The following GPC5 variants were observed in gnomAD, a reference collection of about 807,000 sequenced individuals.
GPC5 encodes the protein glypican-5.
In GPC5, 47 loss-of-function variants were observed where a neutral mutation model predicts 53.9. The observed-to-expected ratio is 0.87, with a 90% CI of 0.69 to 1.11. The LOEUF is 1.11. Among genes scored for constraint, GPC5 ranks in the 50% most tolerant of loss-of-function variants. The probability of loss-of-function intolerance (pLI) is 0.00; values close to 1 mark genes in which losing one functional copy is unlikely to be tolerated. For synonymous variants in GPC5, 286 were observed against 263.3 expected (o/e 1.09, Z -0.84); for missense variants, 748 against 713.1 (o/e 1.05, Z -0.56).
intron 2 of GPC5, among the ~76,000 whole-genome samples, chr13:91,689,904 G>A (rs544524105): frequency 6.6e-6 from 1 of 152,046 alleles, no homozygotes; most frequent in Non-Finnish European, 1.5e-5. Context: ...ACATAGTATG[G>A]TAAACACCCA....
chr13:92,051,655 C>G (rs2138839239), intron 6 of GPC5, among the ~76,000 whole-genome samples: 1 of 152,262 alleles, frequency 6.6e-6, no homozygotes, highest in East Asian at 1.9e-4. Flanking sequence ...GTGGCTTCAG[C>G]TGTTTAGGCT....
chr13:92,040,937 A>G (rs570432769), intron 6 of GPC5, among the ~76,000 whole-genome samples: 1 of 151,864 alleles, frequency 6.6e-6, no homozygotes, highest in Non-Finnish European at 1.5e-5. Context: ...TGCAACCTCC[A>G]CCTCCTGGGT....
chr13:91,478,795 T>TTATATATATATATA (rs757436599), intron 2 of GPC5, among the ~76,000 whole-genome samples: 1,745 of 54,874 alleles, frequency 0.032, 29 homozygotes, highest in South Asian at 0.052. Flanking sequence ...CCATTTGAGT[T>TTATATATATATATA]TATATATATA....
At chr13:92,745,433 T>C (rs187385244) in intron 7 of GPC5, among the ~76,000 whole-genome samples, 2 of 152,206 alleles carry the variant, frequency 1.3e-5, no homozygotes, top group African/African-American at 4.8e-5. Flanking sequence ...AGAAGGTCCC[T>C]TGGTAAAGCT....
chr13:92,730,728 G>A (rs535008055), intron 7 of GPC5, among the ~76,000 whole-genome samples: 21 of 151,420 alleles, frequency 1.4e-4, no homozygotes, highest in Non-Finnish European at 2.2e-4. Flanking sequence ...GCCATGTAGA[G>A]CAGAGAAAAG....
At chr13:91,518,407 A>G (rs1034600611) in intron 2 of GPC5, among the ~76,000 whole-genome samples, 1 of 152,182 alleles carries the variant, frequency 6.6e-6, no homozygotes, top group African/African-American at 2.4e-5. Flanking sequence ...AAGAAAATCT[A>G]AAATTACATG....
intron 7 of GPC5, among the ~76,000 whole-genome samples, chr13:92,775,354 C>T (rs1208984696): frequency 6.6e-6 from 1 of 152,124 alleles, no homozygotes; most frequent in Non-Finnish European, 1.5e-5. Context: ...TACTTTTTGG[C>T]ATCTAAAAAT....
chr13:91,513,168 T>C (rs1885322449), intron 2 of GPC5, among the ~76,000 whole-genome samples: 1 of 152,172 alleles, frequency 6.6e-6, no homozygotes, highest in South Asian at 2.1e-4. Context: ...TTAAACTCTT[T>C]ATATTGTGAT....
chr13:92,054,709 A>T (rs2041060625), intron 6 of GPC5, among the ~76,000 whole-genome samples: 1 of 152,144 alleles, frequency 6.6e-6, no homozygotes, highest in African/African-American at 2.4e-5. Context: ...GTGAAATATA[A>T]TTTTTGTGAG....
At chr13:91,734,160 C>T (rs1179533602) in intron 4 of GPC5, among the ~76,000 whole-genome samples, 1 of 151,252 alleles carries the variant, frequency 6.6e-6, no homozygotes, top group Non-Finnish European at 1.5e-5. Flanking sequence ...ACCAGCCTTG[C>T]ATCCCAGGGA....
chr13:91,526,405 T>C (rs1886088829), intron 2 of GPC5, among the ~76,000 whole-genome samples: 1 of 152,180 alleles, frequency 6.6e-6, no homozygotes, highest in Non-Finnish European at 1.5e-5. Context: ...GTATGAGTAC[T>C]GGTCTGTTGA....
intron 7 of GPC5, among the ~76,000 whole-genome samples, chr13:92,560,001 C>A (rs1278877293): frequency 1.3e-5 from 2 of 151,420 alleles, no homozygotes; most frequent in Non-Finnish European, 2.9e-5. Context: ...TTTTTCTACT[C>A]CCTTTTTCCA....
At chr13:92,503,596 A>G (rs1880264831) in intron 7 of GPC5, among the ~76,000 whole-genome samples, 1 of 151,832 alleles carries the variant, frequency 6.6e-6, no homozygotes, top group Non-Finnish European at 1.5e-5. Flanking sequence ...CAAAGAAAAT[A>G]TATTAAAACA....
chr13:91,595,575 T>C (rs1342112564), intron 2 of GPC5, among the ~76,000 whole-genome samples: 1 of 152,218 alleles, frequency 6.6e-6, no homozygotes, highest in Non-Finnish European at 1.5e-5. Context: ...TTCCAAGTTG[T>C]CTTTTTTTAG....
chr13:92,784,477 C>CT lies in GPC5; in HGVS notation c.1562-81794dup, dbSNP rs945899051. 3.5e-3 allele frequency among the ~76,000 whole-genome samples: 509 copies of CT among 145,092 alleles called. 1 individual carries two copies. Among genetic ancestry groups the CT allele is most frequent in the Admixed American group, 4.4e-3 (63 of 14,446 alleles). On this transcript the variant is annotated intron_variant, in intron 7 of 7. Transcript: ENST00000377067. ...AAGATGTACTTTACTCACAGTCTCCCTTTTTTTTTTTACAGATGTAATGTA... is the reference window on the plus strand; with the variant it reads ...AAGATGTACTTTACTCACAGTCTCCCTTTTTTTTTTTTACAGATGTAATGTA...
intron 7 of GPC5, among the ~76,000 whole-genome samples, chr13:92,283,385 AG>A (rs2042930825): frequency 2.0e-5 from 3 of 152,208 alleles, no homozygotes; most frequent in Non-Finnish European, 4.4e-5. Context: ...CTCTGCACCA[AG>A]GGGACCTAAT....
At chr13:91,452,260 A>G (rs1183932105) in intron 2 of GPC5, among the ~76,000 whole-genome samples, 1 of 152,140 alleles carries the variant, frequency 6.6e-6, no homozygotes, top group South Asian at 2.1e-4. Context: ...CTGGGATTAT[A>G]GGCATAAGCC....
intron 7 of GPC5, among the ~76,000 whole-genome samples, chr13:92,542,550 T>C (rs1881965593): frequency 6.6e-6 from 1 of 152,106 alleles, no homozygotes; most frequent in African/African-American, 2.4e-5. Flanking sequence ...ACTTTGTTTT[T>C]CTCGTTTGTG....
At chr13:92,412,266 C>A (rs1343248185) in intron 7 of GPC5, among the ~76,000 whole-genome samples, 1 of 152,120 alleles carries the variant, frequency 6.6e-6, no homozygotes, top group Non-Finnish European at 1.5e-5. Context: ...TTACTGTCTA[C>A]CTGATGCTAG....
Sources: gnomAD v4.1 joint callset for allele counts (sites outside exome capture counted in the v4.1 genomes callset) on GRCh38, gnomAD v4.1.1 for gene constraint, MANE v1.5 for transcripts, NCBI Gene and HGNC (gene_info 2026-07-23, HGNC 2026-07-21) for gene names.